PCDH15: variants seen among roughly 807,000 people sequenced by gnomAD.
PCDH15 encodes protocadherin related 15, also known as protocadherin-15.
PCDH15 carries 129 observed loss-of-function variants against 178.5 expected under a neutral mutation model. The observed-to-expected ratio is 0.72, with a 90% CI of 0.63 to 0.84. The LOEUF is 0.84. Among genes scored for constraint, PCDH15 ranks in the 40% least tolerant of loss-of-function variants. The pLI, the probability that PCDH15 is intolerant of heterozygous loss-of-function variation, is 0.00. For synonymous variants in PCDH15, 800 were observed against 732.0 expected, an observed-to-expected ratio of 1.09 and a Z score of -1.50; for missense variants, 2,230 against 2,099.9, an observed-to-expected ratio of 1.06 and a Z score of -1.21.
At chr10:53,839,728 G>A (rs555404120) in intron 29 of PCDH15, among the ~76,000 whole-genome samples, 1 of 151,330 alleles carries the variant, frequency 6.6e-6, no homozygotes, top group East Asian at 1.9e-4. Context: ...AAGAAAGTAA[G>A]TAGCAGGATT....
At chr10:55,085,178 G>A (rs1842137102) in intron 2 of PCDH15, among the ~76,000 whole-genome samples, 1 of 151,926 alleles carries the variant, frequency 6.6e-6, no homozygotes, top group Non-Finnish European at 1.5e-5. Context: ...AGCAACCTAA[G>A]TGTCTTTCAG....
intron 1 of PCDH15, among the ~76,000 whole-genome samples, chr10:55,240,310 G>A (rs1322701229): frequency 6.6e-6 from 1 of 151,958 alleles, no homozygotes; most frequent in East Asian, 1.9e-4. Flanking sequence ...CTCTATCATT[G>A]ATTCTAAATA....
intron 11 of PCDH15, among the ~76,000 whole-genome samples, chr10:54,190,212 T>A (rs1408747867): frequency 1.3e-5 from 2 of 152,096 alleles, no homozygotes; most frequent in African/African-American, 4.8e-5. Flanking sequence ...TTCTTGGCAT[T>A]TACCATCTGG....
intron 2 of PCDH15, among the ~76,000 whole-genome samples, chr10:55,337,164 T>G (rs1844418501): frequency 6.6e-6 from 1 of 151,810 alleles, no homozygotes; most frequent in South Asian, 2.1e-4. Context: ...AGATGAAAAA[T>G]AAAACTAAAA....
intron 1 of PCDH15, among the ~76,000 whole-genome samples, chr10:54,684,139 A>G (rs190004338): frequency 2.6e-5 from 4 of 152,164 alleles, no homozygotes; most frequent in African/African-American, 9.6e-5. Context: ...TAACAATTAT[A>G]TATTTAAAAA....
At chr10:54,512,404 T>TGTGTGTGTGTGTGTG (rs1555018258) in intron 3 of PCDH15, among the ~76,000 whole-genome samples, 1 of 148,270 alleles carries the variant, frequency 6.7e-6, no homozygotes, top group Non-Finnish European at 1.5e-5. Flanking sequence ...TGTGTGTGTA[T>TGTGTGTGTGTGTGTG]TATTGGGGGA....
chr10:54,681,973 C>T (rs1420110960), intron 1 of PCDH15, among the ~76,000 whole-genome samples: 2 of 152,000 alleles, frequency 1.3e-5, no homozygotes, highest in Admixed American at 6.6e-5. Context: ...TGGAAGTTTG[C>T]GGATGAGAAA....
chr10:55,454,392 A>G (rs1839502687), intron 2 of PCDH15, among the ~76,000 whole-genome samples: 1 of 152,116 alleles, frequency 6.6e-6, no homozygotes, highest in South Asian at 2.1e-4. Flanking sequence ...ACAGTATTGA[A>G]ACTGAGAAAA....
At chr10:54,609,924 T>C (rs1282248355) in intron 2 of PCDH15, among the ~76,000 whole-genome samples, 1 of 152,052 alleles carries the variant, frequency 6.6e-6, no homozygotes, top group African/African-American at 2.4e-5. Flanking sequence ...TATGTTCATA[T>C]ATTTATGTCA....
At chr10:54,138,722 A>G (rs919388795) in intron 14 of PCDH15, among the ~76,000 whole-genome samples, 4 of 152,170 alleles carry the variant, frequency 2.6e-5, no homozygotes, top group Non-Finnish European at 5.9e-5. Context: ...CATGAAAACT[A>G]TTCTACCCAA....
At chr10:54,052,052 G>T (rs2093787311) in intron 18 of PCDH15, among the ~76,000 whole-genome samples, 1 of 152,236 alleles carries the variant, frequency 6.6e-6, no homozygotes, top group African/African-American at 2.4e-5. Context: ...CTAGATTTCA[G>T]AGGAAATATG....
At chr10:54,170,920 G>T (rs1229153700) in intron 13 of PCDH15, among the ~76,000 whole-genome samples, 1 of 151,940 alleles carries the variant, frequency 6.6e-6, no homozygotes, top group Non-Finnish European at 1.5e-5. Context: ...GGATTATTCA[G>T]GCCCCCTCCC....
At chr10:54,177,971 G>A (rs2133729041) in intron 13 of PCDH15, among the ~76,000 whole-genome samples, 1 of 152,118 alleles carries the variant, frequency 6.6e-6, no homozygotes, top group Non-Finnish European at 1.5e-5. Context: ...TTTAACTTTG[G>A]GAGACAAGTA....
intron 2 of PCDH15, among the ~76,000 whole-genome samples, chr10:55,408,375 G>A (rs1016177639): frequency 3.3e-5 from 5 of 151,760 alleles, no homozygotes; most frequent in African/African-American, 1.2e-4. Flanking sequence ...TAGTAGAGAC[G>A]GGGATTCACC....
chr10:54,787,527 T>C (rs1184582492), intron 1 of PCDH15, among the ~76,000 whole-genome samples: 2 of 151,986 alleles, frequency 1.3e-5, no homozygotes, highest in Non-Finnish European at 2.9e-5. Flanking sequence ...TTAAGTATTC[T>C]CTTCTGCAAG....
intron 8 of PCDH15, among the ~76,000 whole-genome samples, chr10:54,243,947 G>A (rs11004164): frequency 0.047 from 7,150 of 152,182 alleles, 410 homozygotes; most frequent in African/African-American, 0.14. Context: ...CTGATTCACT[G>A]CATATATCAA....
rs140635320 is a variant in PCDH15, at chr10:53,995,186, A to T, written c.2868+463T>A. 4.8e-3 allele frequency: 805 copies of T among 167,300 alleles called. 6 individuals are homozygous for T. Among genetic ancestry groups the T allele is most frequent in the African/African-American group, 0.019 (777 of 41,692 alleles). 10.4% of individuals were successfully genotyped at this position (167,300 alleles called of 1,614,324 possible). Reference sequence around the variant, plus strand: ...TCAAAAAAGTAAAGTTCTATATGATAAAAGAATGTTAACTATTTTCTGTAA... The same window carrying T: ...TCAAAAAAGTAAAGTTCTATATGATTAAAGAATGTTAACTATTTTCTGTAA... On this transcript the variant is annotated intron_variant, in intron 21 of 37. Transcript: ENST00000644397.
chr10:54,937,431 A>G (rs1463731546), intron 2 of PCDH15, among the ~76,000 whole-genome samples: 2 of 151,986 alleles, frequency 1.3e-5, no homozygotes, highest in Non-Finnish European at 2.9e-5. Context: ...ATGATATTAA[A>G]TCTCCTAATC....
At chr10:54,014,043 C>A (rs149888058) in intron 20 of PCDH15, among the ~76,000 whole-genome samples, 2 of 151,384 alleles carry the variant, frequency 1.3e-5, no homozygotes, top group Non-Finnish European at 3.0e-5. Flanking sequence ...AAGAGAAGAT[C>A]CAACTAAACA....
Sources: gnomAD v4.1 joint callset for allele counts (sites outside exome capture counted in the v4.1 genomes callset) on GRCh38, gnomAD v4.1.1 for gene constraint, MANE v1.5 for transcripts, NCBI Gene and HGNC (gene_info 2026-07-23, HGNC 2026-07-21) for gene names.